Variants in PRDM1 observed in about 807,000 individuals in gnomAD.
PRDM1 encodes the protein PR domain zinc finger protein 1.
PRDM1 carries 13 observed loss-of-function variants against 62.8 expected under a neutral mutation model. The ratio of observed to expected loss-of-function variants is 0.21; its 90% CI spans 0.13 to 0.33. The LOEUF is 0.33. Ranked by LOEUF, PRDM1 falls within the 10% of genes least tolerant of loss-of-function variation. The pLI, the probability that PRDM1 is intolerant of heterozygous loss-of-function variation, is 1.00. For missense variants in PRDM1, 895 were observed against 1,058.8 expected, an observed-to-expected ratio of 0.85 and a Z score of 2.15; for synonymous variants, 396 against 417.6, an observed-to-expected ratio of 0.95 and a Z score of 0.63.
intron 1 of PRDM1, among the ~76,000 whole-genome samples, chr6:106,002,740 G>A (rs1025451884): frequency 2.6e-5 from 4 of 151,944 alleles, no homozygotes; most frequent in East Asian, 3.9e-4. Flanking sequence ...TATTCATTCC[G>A]TGTTATAACT....
intron 1 of PRDM1, among the ~76,000 whole-genome samples, chr6:106,036,305 T>C (rs1176126305): frequency 6.6e-6 from 1 of 152,130 alleles, no homozygotes; most frequent in African/African-American, 2.4e-5. Flanking sequence ...TGCACCACCA[T>C]GCACGGCTAA....
intron 1 of PRDM1, among the ~76,000 whole-genome samples, chr6:106,018,373 A>G (rs1043087347): frequency 6.6e-6 from 1 of 152,200 alleles, no homozygotes; most frequent in African/African-American, 2.4e-5. Context: ...TCAATTTCCC[A>G]TGTTATTCAC....
Position 106,105,536 on chromosome 6 carries a change from C to T in PRDM1, c.1376C>T (p.Pro459Leu), listed in dbSNP as rs1407187879. 1.2e-6 allele frequency: 2 copies of T among 1,613,148 alleles called. No individual in the cohort carries two copies. Among genetic ancestry groups the T allele is most frequent in the East Asian group, 2.2e-5 (1 of 44,842 alleles). ...NLLGGGSLPHPMLNPTSLPSS... is the reference protein window; with the variant it reads ...NLLGGGSLPHLMLNPTSLPSS... ...CTCGGTGGGGGCAGCCTGCCCCACC[C>T]CATGCTCAACCCCACTTCTCTCCCG... The change falls in exon 5 of 7, where the codon CCC becomes CTC. Residue 459 changes from proline to leucine, a missense_variant. Pro to Leu is a moderately conservative substitution (Grantham distance 98). Around this residue, in one of 4 missense-constraint regions of PRDM1, gnomAD observed 444 missense variants for 422.7 expected, o/e 1.05. Coordinates refer to ENST00000369096, the MANE Select transcript of PRDM1 (RefSeq NM_001198.4).
intron 1 of PRDM1, among the ~76,000 whole-genome samples, chr6:106,021,906 C>G (rs959610407): frequency 6.6e-6 from 1 of 152,232 alleles, no homozygotes; most frequent in African/African-American, 2.4e-5. Flanking sequence ...AGGCGTGAGC[C>G]ACCGTGCCCA....
upstream of PRDM1, among the ~76,000 whole-genome samples, chr6:106,047,650 C>G (rs182478902): frequency 6.6e-6 from 1 of 152,310 alleles, no homozygotes; most frequent in East Asian, 1.9e-4. Context: ...GCTACCATTT[C>G]TTATAGTGGT....
intron 1 of PRDM1, among the ~76,000 whole-genome samples, chr6:106,023,840 A>G (rs147251440): frequency 3.9e-5 from 6 of 152,306 alleles, no homozygotes; most frequent in African/African-American, 1.4e-4. Flanking sequence ...CTCTGATAAA[A>G]GATTCAGAAA....
chr6:106,088,330 T>C lies in PRDM1; in HGVS notation c.172T>C (p.Cys58Arg). Residue 58 changes from cysteine (C) to arginine (R), a missense_variant, in exon 2 of 7, where the codon TGT (cysteine) becomes CGT (arginine). Cys to Arg is a radical substitution (Grantham distance 180). Around this residue, in one of 4 missense-constraint regions of PRDM1, gnomAD observed 213 missense variants for 283.9 expected, o/e 0.75. Coordinates refer to ENST00000369096, the MANE Select transcript of PRDM1 (RefSeq NM_001198.4). ...LWTEAEFEEK[C>R]TYIVNDHPWD... is the part of the protein sequence containing the mutation. ...GACAGAGGCTGAGTTTGAAGAGAAG[T>C]GTACATACATTGTGAACGACCACCC... The C allele has an allele frequency of 6.2e-7, 1 of 1,614,120 alleles. No homozygotes were observed. Among genetic ancestry groups the C allele is most frequent in the Non-Finnish European group, 8.5e-7 (1 of 1,180,028 alleles).
upstream of PRDM1, among the ~76,000 whole-genome samples, chr6:106,082,974 G>A (rs1410474083): frequency 6.6e-6 from 1 of 151,882 alleles, no homozygotes; most frequent in East Asian, 1.9e-4. Context: ...ACACATACTC[G>A]CTCTTCTTGT....
chr6:106,030,754 C>T (rs948938018), intron 1 of PRDM1, among the ~76,000 whole-genome samples: 7 of 152,004 alleles, frequency 4.6e-5, no homozygotes, highest in African/African-American at 1.7e-4. Context: ...TGTGAATATC[C>T]AGTTGGTCCA....
Position 106,105,747 on chromosome 6 carries a change from G to A in PRDM1, c.1587G>A (p.Val529=), listed in dbSNP as rs771320630. The A allele has an allele frequency of 6.8e-6, 11 of 1,614,022 alleles. No homozygotes were observed. In the Admixed American group the frequency reaches 1.8e-4, roughly 27 times the overall value. Residue 529 remains valine (V), a synonymous_variant, in exon 5 of 7, where the codon GTG becomes GTA. Coordinates refer to ENST00000369096, the MANE Select transcript of PRDM1 (RefSeq NM_001198.4). ...AGTAATAEHV[V]QPKATSAAMA... ...CAGCCGCCACGGCAGAACATGTGGT[G>A]CAGCCCAAAGCTACCTCAGCAGCGA...
At chr6:106,033,590 A>G (rs1772880050) in intron 1 of PRDM1, among the ~76,000 whole-genome samples, 1 of 152,146 alleles carries the variant, frequency 6.6e-6, no homozygotes, top group South Asian at 2.1e-4. Flanking sequence ...TGCTGAGATT[A>G]CAAGCATGAA....
intron 3 of PRDM1, chr6:106,098,820 A>G (rs961121447): frequency 1.4e-5 from 22 of 1,522,806 alleles, no homozygotes; most frequent in Non-Finnish European, 1.9e-5. Context: ...GCGGGGGTGT[A>G]GGAAACGGCG....
intron 1 of PRDM1, among the ~76,000 whole-genome samples, chr6:105,998,637 T>C (rs184933600): frequency 9.9e-4 from 151 of 152,242 alleles, no homozygotes; most frequent in African/African-American, 3.5e-3. Context: ...AAAAAGTTTT[T>C]TCTTCAGTCA....
Position 106,107,677 on chromosome 6 carries a change from CATATATATAT to C in PRDM1, c.*204_*213del. On this transcript the variant is annotated 3_prime_UTR_variant, in exon 7 of 7. Coordinates refer to ENST00000369096, the MANE Select transcript of PRDM1 (RefSeq NM_001198.4). ...CTCAGGGCATGAACAAGGCAAAGGCCATATATATATATATATATATATCTGTATACATATT... is the reference window on the plus strand; with the variant it reads ...CTCAGGGCATGAACAAGGCAAAGGCCATATATATATATCTGTATACATATT... 1 of 196,930 alleles carries C rather than the reference CATATATATAT, an allele frequency of 5.1e-6. No homozygotes were observed. The highest frequency in any genetic ancestry group is 1.6e-4 in the South Asian group (1 of 6,248). 12.2% of individuals were successfully genotyped at this position (196,930 alleles called of 1,614,324 possible).
chr6:106,078,943 A>AATT (rs968941245), intron 1 of PRDM1, among the ~76,000 whole-genome samples: 1 of 151,538 alleles, frequency 6.6e-6, no homozygotes, highest in South Asian at 2.1e-4. Flanking sequence ...ATTTTAAAAA[A>AATT]ATTATTATTA....
chr6:106,069,101 G>T (rs1192286817), intron 1 of PRDM1, among the ~76,000 whole-genome samples: 1 of 152,126 alleles, frequency 6.6e-6, no homozygotes, highest in Non-Finnish European at 1.5e-5. Flanking sequence ...TGCCTCTCCT[G>T]TAAAATAAAG....
chr6:106,013,261 G>T (rs1772578431), intron 1 of PRDM1, among the ~76,000 whole-genome samples: 3 of 151,394 alleles, frequency 2.0e-5, no homozygotes, highest in South Asian at 4.2e-4. Context: ...CAGAAATTTT[G>T]TACAGGCATC....
chr6:106,051,348 A>T (rs971593630), intron 1 of PRDM1, among the ~76,000 whole-genome samples: 3 of 152,248 alleles, frequency 2.0e-5, no homozygotes, highest in Admixed American at 6.5e-5. Context: ...AGTCTTAGGG[A>T]CTAAGCTTGT....
chr6:106,036,911 T>G (rs1340133048), intron 1 of PRDM1, among the ~76,000 whole-genome samples: 1 of 152,274 alleles, frequency 6.6e-6, no homozygotes, highest in East Asian at 1.9e-4. Context: ...ACTCCTGGAC[T>G]CAAGTGATTT....
Sources: allele counts gnomAD v4.1 joint callset (sites outside exome capture counted in the v4.1 genomes callset), GRCh38; gene constraint gnomAD v4.1.1; regional missense constraint gnomAD v4.1.1; transcripts MANE v1.5; gene names NCBI Gene and HGNC (gene_info 2026-07-23, HGNC 2026-07-21).